SPAG16: variants seen among roughly 807,000 people sequenced by gnomAD.
SPAG16 encodes sperm-associated antigen 16 protein.
Under a neutral mutation model 80.4 loss-of-function variants are expected in SPAG16, and 86 were observed. The ratio of observed to expected loss-of-function variants is 1.07; its 90% CI spans 0.90 to 1.28. The LOEUF (loss-of-function observed/expected upper bound fraction) is 1.28, where lower values mean the gene tolerates loss of function less well. SPAG16 is among the 50% of genes most tolerant of loss of function. The probability of loss-of-function intolerance (pLI) is 0.00; values close to 1 mark genes in which losing one functional copy is unlikely to be tolerated. For missense variants in SPAG16, 870 were observed against 765.3 expected, an observed-to-expected ratio of 1.14 and a Z score of -1.61; for synonymous variants, 294 against 265.9, an observed-to-expected ratio of 1.11 and a Z score of -1.03.
At chr2:213,675,798 A>G (rs2064035584) in intron 10 of SPAG16, among the ~76,000 whole-genome samples, 1 of 151,858 alleles carries the variant, frequency 6.6e-6, no homozygotes, top group Admixed American at 6.6e-5. Flanking sequence ...GCCTTGTAGT[A>G]TAGTTTGAAG....
intron 9 of SPAG16, among the ~76,000 whole-genome samples, chr2:213,488,930 C>T (rs2074114155): frequency 6.6e-6 from 1 of 151,562 alleles, no homozygotes; most frequent in South Asian, 2.1e-4. Flanking sequence ...AAAAAATTAC[C>T]CGGGCGTGGT....
At chr2:213,348,509 C>T (rs1159227841) in intron 6 of SPAG16, among the ~76,000 whole-genome samples, 1 of 152,142 alleles carries the variant, frequency 6.6e-6, no homozygotes, top group Non-Finnish European at 1.5e-5. Flanking sequence ...TTTGCAGTGG[C>T]TGTTACCGGT....
At chr2:213,788,654 T>A (rs2125601433) in intron 10 of SPAG16, among the ~76,000 whole-genome samples, 1 of 152,062 alleles carries the variant, frequency 6.6e-6, no homozygotes, top group African/African-American at 2.4e-5. Context: ...CAGGAAGGCC[T>A]TAGAATAGAC....
chr2:213,348,574 T>TG (rs2065137005), intron 6 of SPAG16, among the ~76,000 whole-genome samples: 1 of 152,140 alleles, frequency 6.6e-6, no homozygotes, highest in Non-Finnish European at 1.5e-5. Context: ...GCAGGCCTGG[T>TG]GGTGACAAAA....
intron 10 of SPAG16, among the ~76,000 whole-genome samples, chr2:213,517,789 A>G (rs2075493652): frequency 6.6e-6 from 1 of 152,194 alleles, no homozygotes; most frequent in African/African-American, 2.4e-5. Context: ...CTTTTACCAT[A>G]TACAAAAATT....
rs1447121176 is a variant in SPAG16 at position 213,285,998 on chromosome 2, C to A, written c.136+1379C>A. 4 of 1,012,178 alleles carry A rather than the reference C, an allele frequency of 4.0e-6. 1 individual carries two copies. Among genetic ancestry groups the A allele is most frequent in the South Asian group, 2.7e-5 (2 of 73,720 alleles). The allele number at this position is 1,012,178 out of a possible 1,614,324, so 62.7% of individuals were successfully genotyped here. A position where few individuals can be genotyped will look rare whatever the true frequency, so the allele number is the denominator to read the frequency against. On this transcript the variant is annotated intron_variant, in intron 1 of 15. Coordinates refer to ENST00000331683, the MANE Select transcript of SPAG16 (RefSeq NM_024532.5). ...AGTTTAATTGTTAACATGAGATTGA[C>A]ACAATGAGGTAACTTTTTGCAAACA...
intron 5 of SPAG16, among the ~76,000 whole-genome samples, chr2:213,330,052 T>C (rs2064020069): frequency 1.3e-5 from 2 of 152,248 alleles, no homozygotes; most frequent in Admixed American, 6.5e-5. Context: ...TTAAAAGATG[T>C]ATGGAAACGC....
intron 15 of SPAG16, among the ~76,000 whole-genome samples, chr2:214,359,929 G>A (rs1020807155): frequency 6.6e-6 from 1 of 151,846 alleles, no homozygotes; most frequent in Admixed American, 6.6e-5. Flanking sequence ...CCCTCTGAGA[G>A]AGAAGATTTA....
intron 15 of SPAG16, among the ~76,000 whole-genome samples, chr2:214,195,547 T>C (rs1021493675): frequency 3.3e-5 from 5 of 151,850 alleles, no homozygotes; most frequent in African/African-American, 1.2e-4. Flanking sequence ...AGAACAAACT[T>C]TGCGCATAAA....
chr2:214,099,376 A>C (rs1223882069), intron 13 of SPAG16, among the ~76,000 whole-genome samples: 1 of 152,162 alleles, frequency 6.6e-6, no homozygotes, highest in Admixed American at 6.6e-5. Context: ...GAGATTTAAA[A>C]TATTACTAAT....
chr2:213,736,378 T>C (rs1270760863), intron 10 of SPAG16, among the ~76,000 whole-genome samples: 1 of 151,322 alleles, frequency 6.6e-6, no homozygotes, highest in African/African-American at 2.4e-5. Flanking sequence ...ACTGTAAACT[T>C]CACCTTCCAG....
intron 13 of SPAG16, among the ~76,000 whole-genome samples, chr2:214,076,576 G>A (rs962564060): frequency 6.6e-6 from 1 of 150,772 alleles, no homozygotes; most frequent in Non-Finnish European, 1.5e-5. Flanking sequence ...TTTGTGTTGA[G>A]AGAGTGTATG....
chr2:213,710,021 C>A (rs896889196), intron 10 of SPAG16, among the ~76,000 whole-genome samples: 1 of 152,158 alleles, frequency 6.6e-6, no homozygotes, highest in South Asian at 2.1e-4. Flanking sequence ...GTAATCCCAG[C>A]ACTTTAGAAG....
At chr2:213,299,943 T>A (rs1039925803) in intron 3 of SPAG16, among the ~76,000 whole-genome samples, 2 of 152,142 alleles carry the variant, frequency 1.3e-5, no homozygotes, top group Non-Finnish European at 2.9e-5. Flanking sequence ...TATGTAAATA[T>A]ATGAAAAGAA....
intron 15 of SPAG16, among the ~76,000 whole-genome samples, chr2:214,317,884 A>G (rs1369544519): frequency 6.6e-6 from 1 of 152,228 alleles, no homozygotes; most frequent in Non-Finnish European, 1.5e-5. Context: ...CGTGGTCTAG[A>G]AAATGGAATT....
intron 11 of SPAG16, among the ~76,000 whole-genome samples, chr2:213,868,001 G>A (rs558640091): frequency 1.4e-3 from 215 of 150,902 alleles, no homozygotes; most frequent in African/African-American, 5.1e-3. Flanking sequence ...GGGCTACGAA[G>A]GGAAGAGGCA....
chr2:214,114,235 T>C (rs2053821668), intron 14 of SPAG16, among the ~76,000 whole-genome samples: 2 of 152,238 alleles, frequency 1.3e-5, no homozygotes, highest in South Asian at 2.1e-4. Context: ...GTATGAGGTG[T>C]CTGTCAGCCC....
chr2:213,365,271 C>T (rs2066217753), intron 8 of SPAG16: 1 of 152,082 alleles, frequency 6.6e-6, no homozygotes, highest in African/African-American at 2.4e-5. Flanking sequence ...GGAAACCTAC[C>T]CTTAAGTAGC....
intron 10 of SPAG16, among the ~76,000 whole-genome samples, chr2:213,551,965 A>G (rs1031888754): frequency 6.6e-6 from 1 of 152,004 alleles, no homozygotes; most frequent in Non-Finnish European, 1.5e-5. Context: ...TCTATGCCAT[A>G]TTTTGCACTT....
Sources: allele counts gnomAD v4.1 joint callset (sites outside exome capture counted in the v4.1 genomes callset), GRCh38; gene constraint gnomAD v4.1.1; transcripts MANE v1.5; gene names NCBI Gene and HGNC (gene_info 2026-07-23, HGNC 2026-07-21).